The following PTPRO variants were observed in gnomAD, a reference collection of about 807,000 sequenced individuals.
PTPRO encodes receptor-type tyrosine-protein phosphatase O.
A neutral mutation model predicts 145.2 loss-of-function variants in PTPRO; 62 were observed. The ratio of observed to expected loss-of-function variants is 0.43; its 90% CI spans 0.35 to 0.53. The LOEUF is 0.53. Among genes scored for constraint, PTPRO ranks in the 20% least tolerant of loss-of-function variants. The pLI is 0.01. For synonymous variants in PTPRO, 565 were observed against 514.7 expected, an observed-to-expected ratio of 1.10 and a Z score of -1.32; for missense variants, 1,345 against 1,482.7, an observed-to-expected ratio of 0.91 and a Z score of 1.53.
In PTPRO at chr12:15,551,619, C is replaced by G; in HGVS notation, c.2506C>G (p.Leu836Val). Residue 836 changes from leucine to valine, a missense_variant, in exon 15 of 27, where the codon CTG becomes GTG. Physicochemically the swap from Leu to Val is conservative, Grantham distance 32 (BLOSUM62 1). Transcript: ENST00000281171. ...CATCCTTAGCACACTTTTAATTGGA[C>G]TGTTGCTTGTTACCCTCATTATTCT... Reference protein sequence around the residue: ...LAILSTLLIGLLLVTLIILRK... With the variant: ...LAILSTLLIGVLLVTLIILRK... 6.2e-7 allele frequency: 1 copy of G among 1,613,634 alleles called. No homozygotes were observed. The highest frequency in any genetic ancestry group is 8.5e-7 in the Non-Finnish European group (1 of 1,179,698).
intron 1 of PTPRO, among the ~76,000 whole-genome samples, chr12:15,375,267 A>T (rs562834415): frequency 6.6e-5 from 10 of 152,336 alleles, no homozygotes; most frequent in Admixed American, 2.0e-4. Flanking sequence ...TTTTTAAGAG[A>T]AAAATTGTGG....
intron 1 of PTPRO, among the ~76,000 whole-genome samples, chr12:15,384,274 G>C (rs1218260926): frequency 6.6e-6 from 1 of 152,158 alleles, no homozygotes; most frequent in Non-Finnish European, 1.5e-5. Context: ...TATGTACCTA[G>C]TAGTGGGATT....
intron 12 of PTPRO, among the ~76,000 whole-genome samples, chr12:15,536,246 T>G (rs1180666359): frequency 1.3e-5 from 2 of 151,760 alleles, no homozygotes; most frequent in African/African-American, 4.8e-5. Context: ...TGGAGAAAAG[T>G]GAAAGAGGAA....
At chr12:15,495,660 C>T (rs7953253) in intron 2 of PTPRO, among the ~76,000 whole-genome samples, 34,738 of 151,716 alleles carry the variant, frequency 0.23, 4,427 homozygotes, top group Admixed American at 0.32. Flanking sequence ...GAAACACCAA[C>T]TCCAAAAGAA....
At chr12:15,504,595 G>T (rs1275240007) in intron 6 of PTPRO, among the ~76,000 whole-genome samples, 1 of 152,112 alleles carries the variant, frequency 6.6e-6, no homozygotes, top group Non-Finnish European at 1.5e-5. Context: ...ATTCCATAAG[G>T]GTAACAGGAC....
At chr12:15,348,768 A>G (rs1937688009) in intron 1 of PTPRO, 1 of 151,226 alleles carries the variant, frequency 6.6e-6, no homozygotes, top group African/African-American at 2.4e-5. Flanking sequence ...ACCCTGGGCG[A>G]CAGCGAGACT....
intron 1 of PTPRO, among the ~76,000 whole-genome samples, chr12:15,325,272 G>A (rs1156374618): frequency 6.6e-6 from 1 of 152,192 alleles, no homozygotes; most frequent in Non-Finnish European, 1.5e-5. Flanking sequence ...AAAATAAGCA[G>A]CTGGATATCA....
chr12:15,571,388 A>G (rs993822420), intron 19 of PTPRO, among the ~76,000 whole-genome samples: 23 of 152,118 alleles, frequency 1.5e-4, no homozygotes, highest in Admixed American at 1.1e-3. Flanking sequence ...CCCAGGTTCA[A>G]GTGATTCTCC....
chr12:15,351,626 G>A (rs1937805731), intron 1 of PTPRO, among the ~76,000 whole-genome samples: 1 of 152,144 alleles, frequency 6.6e-6, no homozygotes, highest in Admixed American at 6.5e-5. Flanking sequence ...CAACAGGGAG[G>A]AAAGTAAAGA....
intron 1 of PTPRO, among the ~76,000 whole-genome samples, chr12:15,382,075 C>T (rs1938878746): frequency 6.6e-6 from 1 of 150,910 alleles, no homozygotes; most frequent in Admixed American, 6.6e-5. Flanking sequence ...AAGATAAAAG[C>T]TTATTGGCCA....
intron 1 of PTPRO, among the ~76,000 whole-genome samples, chr12:15,406,501 C>T (rs1443930933): frequency 2.0e-5 from 3 of 152,074 alleles, no homozygotes; most frequent in Admixed American, 6.5e-5. Context: ...AATTAATTTC[C>T]ATAGTGATTT....
At chr12:15,515,466 T>C in intron 7 of PTPRO, 32 bp from the exon 8 acceptor site, 2 of 1,612,524 alleles carry the variant, frequency 1.2e-6, no homozygotes, top group Non-Finnish European at 1.7e-6. Context: ...ATCCCAGCTC[T>C]AAATAAATCT....
Position 15,524,860 on chromosome 12 carries a change from G to T in PTPRO, c.1938G>T (p.Leu646=), listed in dbSNP as rs1176512800. Residue 646 remains leucine (L), a synonymous_variant, in exon 11 of 27, where the codon CTG becomes CTT. Transcript: ENST00000281171. ...EITSVEYFNS[L]LYISWTYGDD... ...CTTCTGTGGAATATTTCAACAGTCT[G>T]TTATATATCAGTTGGACATATGGGG... 1.2e-6 allele frequency: 2 copies of T among 1,613,508 alleles called. No individual in the cohort carries two copies. Among genetic ancestry groups the T allele is most frequent in the Non-Finnish European group, 8.5e-7 (1 of 1,179,488 alleles).
intron 1 of PTPRO, among the ~76,000 whole-genome samples, chr12:15,323,888 A>G (rs1434356647): frequency 6.6e-6 from 1 of 152,226 alleles, no homozygotes; most frequent in African/African-American, 2.4e-5. Context: ...ATGGATTAAG[A>G]ACAGCATTAC....
chr12:15,542,018 AAAAT>A (rs1943190733), intron 12 of PTPRO, among the ~76,000 whole-genome samples: 1 of 152,168 alleles, frequency 6.6e-6, no homozygotes, highest in African/African-American at 2.4e-5. Context: ...CTCAAAAAAA[AAAAT>A]AGTCACATTC....
intron 7 of PTPRO, among the ~76,000 whole-genome samples, chr12:15,512,084 T>C (rs1270600903): frequency 6.7e-6 from 1 of 150,302 alleles, no homozygotes; most frequent in East Asian, 1.9e-4. Context: ...ATGTGTTAAG[T>C]TTAAATGGAG....
At chr12:15,409,538 AC>A (rs1445469397) in intron 1 of PTPRO, among the ~76,000 whole-genome samples, 2 of 152,170 alleles carry the variant, frequency 1.3e-5, no homozygotes, top group Non-Finnish European at 2.9e-5. Flanking sequence ...GGCTATTCTT[AC>A]ATTGCTATAA....
chr12:15,436,175 GAAAGATCT>G (rs955112871), intron 1 of PTPRO, among the ~76,000 whole-genome samples: 9 of 152,144 alleles, frequency 5.9e-5, no homozygotes, highest in African/African-American at 2.2e-4. Flanking sequence ...GAGAAAGCAG[GAAAGATCT>G]AAAACTGACA....
At chr12:15,585,765 A>G (rs1944418480) in intron 23 of PTPRO, among the ~76,000 whole-genome samples, 1 of 152,114 alleles carries the variant, frequency 6.6e-6, no homozygotes, top group African/African-American at 2.4e-5. Context: ...GATGAATCAG[A>G]CCTTTATGAA....
Sources: gnomAD v4.1 joint callset for allele counts (sites outside exome capture counted in the v4.1 genomes callset) on GRCh38, gnomAD v4.1.1 for gene constraint, MANE v1.5 for transcripts, NCBI Gene and HGNC (gene_info 2026-07-23, HGNC 2026-07-21) for gene names.